GALR1: variants seen among roughly 807,000 people sequenced by gnomAD.
GALR1 encodes galanin receptor type 1.
In GALR1, 11 loss-of-function variants were observed where a neutral mutation model predicts 17.9. The observed-to-expected ratio is 0.62, with a 90% CI of 0.39 to 1.02. GALR1 has a LOEUF of 1.02. Ranked by LOEUF, GALR1 falls within the 50% of genes least tolerant of loss-of-function variation. The pLI is 0.01. For missense variants in GALR1, 441 were observed against 456.9 expected, an observed-to-expected ratio of 0.97 and a Z score of 0.32; for synonymous variants, 206 against 205.7, an observed-to-expected ratio of 1.00 and a Z score of -0.01.
chr18:77,256,248 T>C lies in GALR1; in HGVS notation c.732+25T>C, dbSNP rs540381442. ...GGTAATGATCACAAATATATATATA[T>C]ATGTTACTTTTCAGAGCTTAGTTTA... On this transcript the variant is annotated intron_variant, in intron 2 of 2. Transcript: ENST00000299727. 1.0e-5 allele frequency: 13 copies of C among 1,244,152 alleles called. No homozygotes were observed. The East Asian group carries it at 2.3e-4, about 22-fold the overall frequency. The allele number at this position is 1,244,152 out of a possible 1,614,324, so 77.1% of individuals were successfully genotyped here.
At chr18:77,257,379 C>A (rs752841102) in intron 2 of GALR1, among the ~76,000 whole-genome samples, 8 of 152,086 alleles carry the variant, frequency 5.3e-5, no homozygotes, top group Non-Finnish European at 1.2e-4. Flanking sequence ...AATAACAAGA[C>A]CATGCTATGG....
intron 1 of GALR1, among the ~76,000 whole-genome samples, chr18:77,252,989 TCACCACCACCACCACCACCACCACCAC>T (rs1912497112): frequency 8.0e-5 from 2 of 25,008 alleles, no homozygotes; most frequent in Non-Finnish European, 8.7e-5. Context: ...ATCACCACCA[TCACCACCACCACCACCACCACCACCAC>T]CACCACCATC....
At chr18:77,252,926 CCACCACCACCACCACCACCACCAT>C (rs1912477348) in intron 1 of GALR1, among the ~76,000 whole-genome samples, 2 of 45,956 alleles carry the variant, frequency 4.4e-5, no homozygotes, top group African/African-American at 7.4e-5. Flanking sequence ...ACCACCATCA[CCACCACCACCACCACCACCACCAT>C]CACCACCATC....
At chr18:77,267,543 G>A (rs1045478383) in intron 2 of GALR1, among the ~76,000 whole-genome samples, 4 of 152,208 alleles carry the variant, frequency 2.6e-5, no homozygotes, top group South Asian at 2.1e-4. Context: ...TGACCATCGC[G>A]GCACTAGAGG....
intron 1 of GALR1, among the ~76,000 whole-genome samples, chr18:77,254,656 G>A (rs1051052275): frequency 6.6e-6 from 1 of 152,202 alleles, no homozygotes; most frequent in South Asian, 2.1e-4. Flanking sequence ...GCAGGGTCCT[G>A]CCTCCTCCAG....
rs1913033520 is a variant in GALR1, at chr18:77,270,161, G to A, written c.*1259G>A. The A allele has an allele frequency of 6.6e-6, 1 of 152,164 alleles. No individual in the cohort carries two copies. Among genetic ancestry groups the A allele is most frequent in the Non-Finnish European group, 1.5e-5 (1 of 68,030 alleles). 9.4% of individuals were successfully genotyped at this position (152,164 alleles called of 1,614,324 possible). A position where few individuals can be genotyped will look rare whatever the true frequency, so the allele number is the denominator to read the frequency against. On this transcript the variant is annotated 3_prime_UTR_variant, in exon 3 of 3. Transcript: ENST00000299727. Reference sequence around the variant, plus strand: ...CGGAAAAGTACTTTTCAGACTGTAAGACTTTGATATGTTTTAGGAGGCAAC... The same window carrying A: ...CGGAAAAGTACTTTTCAGACTGTAAAACTTTGATATGTTTTAGGAGGCAAC...
At chr18:77,255,046 T>C (rs1912555037) in intron 1 of GALR1, among the ~76,000 whole-genome samples, 1 of 152,208 alleles carries the variant, frequency 6.6e-6, no homozygotes, top group Non-Finnish European at 1.5e-5. Flanking sequence ...TGGAGCAGGC[T>C]TTTGCAATAA....
In GALR1 at chr18:77,269,260, C is replaced by G; in HGVS notation, c.*358C>G. 6.3e-6 allele frequency: 1 copy of G among 158,038 alleles called. No individual in the cohort carries two copies. Among genetic ancestry groups the G allele is most frequent in the Non-Finnish European group, 1.3e-5 (1 of 76,502 alleles). 9.8% of individuals were successfully genotyped at this position (158,038 alleles called of 1,614,324 possible). On this transcript the variant is annotated 3_prime_UTR_variant, in exon 3 of 3. Coordinates refer to ENST00000299727, the MANE Select transcript of GALR1 (RefSeq NM_001480.4). ...CAATATGGTCAGGAATATTTGCAGTCTACATTTTAAAGCCAATTTATTTAG... is the reference window on the plus strand; with the variant it reads ...CAATATGGTCAGGAATATTTGCAGTGTACATTTTAAAGCCAATTTATTTAG...
rs1913011280 is a variant in GALR1, at chr18:77,269,186, T to C, written c.*284T>C. On this transcript the variant is annotated 3_prime_UTR_variant, in exon 3 of 3. Coordinates refer to ENST00000299727, the MANE Select transcript of GALR1 (RefSeq NM_001480.4). ...CTCTTCAGACATGAAAGGGAACATA[T>C]ATATTCCATATATATGTTCAACTCT... 6.1e-6 allele frequency: 2 copies of C among 329,454 alleles called. No homozygotes were observed. The highest frequency in any genetic ancestry group is 1.1e-5 in the Non-Finnish European group (2 of 180,648). The allele number at this position is 329,454 out of a possible 1,614,324, so 20.4% of individuals were successfully genotyped here.
At chr18:77,262,165 A>G (rs943919849) in intron 2 of GALR1, among the ~76,000 whole-genome samples, 3 of 151,918 alleles carry the variant, frequency 2.0e-5, no homozygotes, top group African/African-American at 7.3e-5. Context: ...GGTAACTAGT[A>G]AACTCTACCA....
At chr18:77,256,777 T>C (rs1055441983) in intron 2 of GALR1, among the ~76,000 whole-genome samples, 2 of 152,174 alleles carry the variant, frequency 1.3e-5, no homozygotes, top group Middle Eastern at 3.2e-3. Context: ...ATTCCTCCCG[T>C]TGCTAACTGA....
chr18:77,272,422 G>A lies in GALR1; in HGVS notation c.*3520G>A, dbSNP rs980261735. 4 of 152,182 alleles carry A rather than the reference G, an allele frequency of 2.6e-5. No individual in the cohort carries two copies. The highest frequency in any genetic ancestry group is 9.7e-5 in the African/African-American group (4 of 41,436). 9.4% of individuals were successfully genotyped at this position (152,182 alleles called of 1,614,324 possible). On this transcript the variant is annotated 3_prime_UTR_variant, in exon 3 of 3. Transcript: ENST00000299727. The stretch of plus-strand genomic sequence containing the variant: ...CATGGCTATCTGTAAACACCAAAAT[G>A]CTCATGCTGAAGCAGCATTACATTG...
intron 2 of GALR1, among the ~76,000 whole-genome samples, chr18:77,264,974 T>G (rs1243900239): frequency 4.6e-5 from 7 of 152,194 alleles, no homozygotes; most frequent in Non-Finnish European, 1.0e-4. Flanking sequence ...CATGTCTTAC[T>G]GCTCCTGGCC....
chr18:77,277,378 G>A lies in GALR1; in HGVS notation c.*8476G>A, dbSNP rs1351819457. 1 of 152,134 alleles carries A rather than the reference G, an allele frequency of 6.6e-6. No individual in the cohort carries two copies. Among genetic ancestry groups the A allele is most frequent in the Non-Finnish European group, 1.5e-5 (1 of 68,040 alleles). The allele number at this position is 152,134 out of a possible 1,614,324, so 9.4% of individuals were successfully genotyped here. A position where few individuals can be genotyped will look rare whatever the true frequency, so the allele number is the denominator to read the frequency against. On this transcript the variant is annotated 3_prime_UTR_variant, in exon 3 of 3. Transcript: ENST00000299727. Reference sequence around the variant, plus strand: ...TGTTCTTGCGATAGTGAGTTCTCAGGAGATCTGATGGTTTTATAAGCATCT... The same window carrying A: ...TGTTCTTGCGATAGTGAGTTCTCAGAAGATCTGATGGTTTTATAAGCATCT...
rs1350480199 is a variant in GALR1 at position 77,250,404 on chromosome 18, G to T, written c.-145G>T. The T allele has an allele frequency of 9.2e-6, 8 of 869,330 alleles. No homozygotes were observed. The African/African-American group carries it at 1.1e-4, about 12-fold the overall frequency. The allele number at this position is 869,330 out of a possible 1,614,324, so 53.9% of individuals were successfully genotyped here. A position where few individuals can be genotyped will look rare whatever the true frequency, so the allele number is the denominator to read the frequency against. ...GCACGGCCACCGGATCCCCGCTCCC[G>T]CTGGCTCGCGCCTCGGGGGAAGCTC... On this transcript the variant is annotated 5_prime_UTR_variant, in exon 1 of 3. Transcript: ENST00000299727.
intron 2 of GALR1, among the ~76,000 whole-genome samples, chr18:77,259,866 G>C (rs377579765): frequency 5.3e-5 from 8 of 152,034 alleles, no homozygotes; most frequent in African/African-American, 1.7e-4. Context: ...GGGGAGACTC[G>C]GGAAGGAAAG....
At position 77,250,750 on chromosome 18, in the gene GALR1, A is replaced by G. The variant is rs773659616; in HGVS notation, c.202A>G (p.Ser68Gly). The change falls in exon 1 of 3, where the codon AGC becomes GGC. Residue 68 changes from serine to glycine, a missense_variant. By Grantham distance (56) the Ser-to-Gly change is moderately conservative. Transcript: ENST00000299727. ...LARSKPGKPRSTTNLFILNLS... is the reference protein window; with the variant it reads ...LARSKPGKPRGTTNLFILNLS... ...GCGCAGCAAGCCGGGCAAGCCGCGG[A>G]GCACCACCAACCTGTTCATCCTCAA... 8.7e-6 allele frequency: 14 copies of G among 1,613,890 alleles called. No individual in the cohort carries two copies. The South Asian group carries it at 1.4e-4, about 16-fold the overall frequency.
intron 2 of GALR1, among the ~76,000 whole-genome samples, chr18:77,266,678 G>A (rs530432812): frequency 2.6e-5 from 4 of 152,322 alleles, no homozygotes; most frequent in Admixed American, 2.6e-4. Context: ...AGAAAGGGAA[G>A]CAAACATGTC....
rs753273523 is a variant in GALR1, at chr18:77,277,537, T to A, written c.*8635T>A. 6.6e-6 allele frequency: 1 copy of A among 152,248 alleles called. No individual in the cohort carries two copies. Among genetic ancestry groups the A allele is most frequent in the Non-Finnish European group, 1.5e-5 (1 of 68,070 alleles). 9.4% of individuals were successfully genotyped at this position (152,248 alleles called of 1,614,324 possible). A position where few individuals can be genotyped will look rare whatever the true frequency, so the allele number is the denominator to read the frequency against. ...GAAATGTAAGTCAATTAAACCACTT[T>A]CTTTAGTAAATTGCCCAGTCTCGGG... On this transcript the variant is annotated 3_prime_UTR_variant, in exon 3 of 3. Transcript: ENST00000299727.
Sources: gnomAD v4.1 joint callset for allele counts (sites outside exome capture counted in the v4.1 genomes callset) on GRCh38, gnomAD v4.1.1 for gene constraint, MANE v1.5 for transcripts, NCBI Gene and HGNC (gene_info 2026-07-23, HGNC 2026-07-21) for gene names.